The following SH3RF3 variants were observed in gnomAD, a reference collection of about 807,000 sequenced individuals.
SH3RF3 encodes the protein SH3 domain containing ring finger 3.
A neutral mutation model predicts 66.3 loss-of-function variants in SH3RF3; 29 were observed. The observed-to-expected ratio is 0.44, with a 90% CI of 0.33 to 0.60. SH3RF3 has a LOEUF of 0.60. Ranked by LOEUF, SH3RF3 falls within the 20% of genes least tolerant of loss-of-function variation. SH3RF3 has a pLI of 0.04. For missense variants in SH3RF3, 1,194 were observed against 1,190.9 expected (o/e 1.00, Z -0.04); for synonymous variants, 583 against 532.0 (o/e 1.10, Z -1.32).
chr2:109,399,641 A>C (rs1277810117), intron 4 of SH3RF3, among the ~76,000 whole-genome samples: 1 of 152,230 alleles, frequency 6.6e-6, no homozygotes, highest in Non-Finnish European at 1.5e-5. Context: ...ATAAAATAAA[A>C]TGATTAAAAA....
intron 1 of SH3RF3, among the ~76,000 whole-genome samples, chr2:109,325,816 G>T (rs772458419): frequency 2.0e-5 from 3 of 152,222 alleles, no homozygotes; most frequent in Non-Finnish European, 2.9e-5. Flanking sequence ...GCAGGGCAAA[G>T]ATGCTGGCCC....
chr2:109,297,120 G>A (rs146377947), intron 1 of SH3RF3, among the ~76,000 whole-genome samples: 27 of 152,154 alleles, frequency 1.8e-4, no homozygotes, highest in Non-Finnish European at 3.5e-4. Context: ...CGGCTCCACA[G>A]AGAGTAAGAA....
intron 1 of SH3RF3, among the ~76,000 whole-genome samples, chr2:109,136,490 C>T (rs1476812731): frequency 1.3e-5 from 2 of 152,140 alleles, no homozygotes; most frequent in Non-Finnish European, 2.9e-5. Flanking sequence ...TCCCTTTTCC[C>T]ATTGAGTGAA....
At chr2:109,169,786 T>C (rs1235417112) in intron 1 of SH3RF3, among the ~76,000 whole-genome samples, 1 of 151,194 alleles carries the variant, frequency 6.6e-6, no homozygotes, top group African/African-American at 2.4e-5. Flanking sequence ...CCCCCCAAAA[T>C]CAAATAGGCT....
intron 1 of SH3RF3, among the ~76,000 whole-genome samples, chr2:109,270,232 G>A (rs1680593198): frequency 1.3e-5 from 2 of 152,196 alleles, no homozygotes; most frequent in Admixed American, 1.3e-4. Flanking sequence ...TGGGGGGTGA[G>A]GATGCTGGTT....
intron 1 of SH3RF3, among the ~76,000 whole-genome samples, chr2:109,263,330 C>A (rs1680405153): frequency 6.6e-6 from 1 of 152,182 alleles, no homozygotes; most frequent in Non-Finnish European, 1.5e-5. Flanking sequence ...GTGGGTAGAT[C>A]AACTAGCATC....
intron 2 of SH3RF3, among the ~76,000 whole-genome samples, chr2:109,355,676 T>C (rs1682932363): frequency 6.6e-6 from 1 of 152,142 alleles, no homozygotes; most frequent in African/African-American, 2.4e-5. Context: ...TGGTATTGAG[T>C]GTGCATCTGT....
chr2:109,143,920 C>G (rs904792744), intron 1 of SH3RF3, among the ~76,000 whole-genome samples: 1 of 152,048 alleles, frequency 6.6e-6, no homozygotes, highest in Admixed American at 6.5e-5. Context: ...GCCTAGAGGA[C>G]GTTATGCGAA....
chr2:109,434,159 AG>A (rs1357797791), intron 6 of SH3RF3, among the ~76,000 whole-genome samples: 1 of 152,190 alleles, frequency 6.6e-6, no homozygotes, highest in Non-Finnish European at 1.5e-5. Flanking sequence ...CCTCTAGGTT[AG>A]GGGACTCCCT....
intron 1 of SH3RF3, among the ~76,000 whole-genome samples, chr2:109,172,576 T>G (rs1677811035): frequency 6.6e-6 from 1 of 152,218 alleles, no homozygotes; most frequent in African/African-American, 2.4e-5. Flanking sequence ...TGTGGATTAT[T>G]GGGCTGCACC....
chr2:109,486,776 G>A (rs1013378918), intron 8 of SH3RF3, among the ~76,000 whole-genome samples: 2 of 152,126 alleles, frequency 1.3e-5, no homozygotes, highest in Non-Finnish European at 2.9e-5. Flanking sequence ...TGGTGGGGAG[G>A]GCCTTCCAGA....
At chr2:109,312,537 C>T (rs1681754923) in intron 1 of SH3RF3, among the ~76,000 whole-genome samples, 2 of 152,162 alleles carry the variant, frequency 1.3e-5, no homozygotes, top group Non-Finnish European at 2.9e-5. Context: ...CCGCTGGGCC[C>T]CTTCTTCCTG....
chr2:109,484,393 G>C (rs1474413271), intron 8 of SH3RF3, among the ~76,000 whole-genome samples: 2 of 152,064 alleles, frequency 1.3e-5, no homozygotes, highest in Non-Finnish European at 2.9e-5. Context: ...TACCTCACCA[G>C]GCACCTCGAC....
intron 1 of SH3RF3, among the ~76,000 whole-genome samples, chr2:109,333,760 T>A (rs1219161398): frequency 1.3e-5 from 2 of 152,216 alleles, no homozygotes; most frequent in Non-Finnish European, 2.9e-5. Flanking sequence ...AGCATGACCT[T>A]GAACATGTTA....
chr2:109,476,679 G>T (rs957221383), intron 8 of SH3RF3, among the ~76,000 whole-genome samples: 13 of 152,224 alleles, frequency 8.5e-5, no homozygotes, highest in African/African-American at 3.1e-4. Context: ...CCGCAAGAAA[G>T]AATTCAGGGT....
At chr2:109,284,822 T>TGG (rs1413300661) in intron 1 of SH3RF3, among the ~76,000 whole-genome samples, 3 of 152,026 alleles carry the variant, frequency 2.0e-5, no homozygotes, top group Non-Finnish European at 4.4e-5. Context: ...GACATGTGTG[T>TGG]GGGGTGTGTG....
intron 1 of SH3RF3, among the ~76,000 whole-genome samples, chr2:109,319,704 G>A (rs736303): frequency 0.31 from 47,303 of 152,162 alleles, 9,132 homozygotes; most frequent in African/African-American, 0.55. Context: ...GTGCCGTGCC[G>A]GAGCCAAATG....
At chr2:109,273,764 G>A (rs151207175) in intron 1 of SH3RF3, among the ~76,000 whole-genome samples, 1 of 152,268 alleles carries the variant, frequency 6.6e-6, no homozygotes, top group Non-Finnish European at 1.5e-5. Flanking sequence ...CCTTTCATAT[G>A]GTGACAGGGT....
chr2:109,138,685 T>G (rs868426403), intron 1 of SH3RF3, among the ~76,000 whole-genome samples: 3 of 152,240 alleles, frequency 2.0e-5, no homozygotes, highest in Middle Eastern at 3.2e-3. Flanking sequence ...GCCTGCAGAC[T>G]GCAGCTGTAG....
Sources: allele counts gnomAD v4.1 joint callset (sites outside exome capture counted in the v4.1 genomes callset), GRCh38; gene constraint gnomAD v4.1.1; transcripts MANE v1.5; gene names NCBI Gene and HGNC (gene_info 2026-07-23, HGNC 2026-07-21).